Variants in CDK6 observed in about 807,000 individuals in gnomAD.
CDK6 encodes cyclin-dependent kinase 6.
CDK6 carries 6 observed loss-of-function variants against 37.1 expected under a neutral mutation model. The ratio of observed to expected loss-of-function variants is 0.16; its 90% CI spans 0.09 to 0.32. CDK6 has a LOEUF of 0.32. Ranked by LOEUF, CDK6 falls within the 10% of genes least tolerant of loss-of-function variation. The pLI is 1.00. For missense variants in CDK6, 224 were observed against 418.9 expected, an observed-to-expected ratio of 0.53 and a Z score of 4.06; for synonymous variants, 160 against 161.3, an observed-to-expected ratio of 0.99 and a Z score of 0.06.
Position 92,833,311 on chromosome 7 carries a change from C to G in CDK6, c.13G>C (p.Gly5Arg), listed in dbSNP as rs576150359. 2 of 1,593,328 alleles carry G rather than the reference C, an allele frequency of 1.3e-6. No homozygotes were observed. Among genetic ancestry groups the G allele is most frequent in the South Asian group, 2.3e-5 (2 of 88,414 alleles). Residue 5 changes from glycine to arginine, a missense_variant, in exon 2 of 8, where the codon GGC (glycine) becomes CGC (arginine). Coordinates refer to ENST00000424848, the MANE Select transcript of CDK6 (RefSeq NM_001145306.2). This position sits in a 1 kb window ranked among gnomAD's most constrained non-coding sequence, Gnocchi z 6.1. MEKD[G>R]LCRADQQYEC... ...TACTGCTGGTCAGCGCGGCACAGGCCGTCCTTCTCCATGCCGCCTGGACGC... is the reference window on the plus strand; with the variant it reads ...TACTGCTGGTCAGCGCGGCACAGGCGGTCCTTCTCCATGCCGCCTGGACGC...
intron 3 of CDK6, among the ~76,000 whole-genome samples, chr7:92,762,492 AATATT>A (rs1207450343): frequency 1.3e-5 from 2 of 152,190 alleles, no homozygotes; most frequent in African/African-American, 4.8e-5. Context: ...TCCAGACTTA[AATATT>A]AACATATGAT....
At chr7:92,752,068 T>C (rs1305592404) in intron 3 of CDK6, among the ~76,000 whole-genome samples, 1 of 152,196 alleles carries the variant, frequency 6.6e-6, no homozygotes, top group African/African-American at 2.4e-5. Flanking sequence ...ATCTAGCTCC[T>C]GGCTCTATAC....
At chr7:92,734,271 C>T (rs1192594716) in intron 3 of CDK6, among the ~76,000 whole-genome samples, 3 of 152,180 alleles carry the variant, frequency 2.0e-5, no homozygotes, top group Admixed American at 1.3e-4. Flanking sequence ...CCGCCTTCTC[C>T]TTCCTCACAT....
chr7:92,672,747 T>A (rs1478196922), intron 4 of CDK6, among the ~76,000 whole-genome samples: 1 of 152,214 alleles, frequency 6.6e-6, no homozygotes, highest in African/African-American at 2.4e-5. Flanking sequence ...CCTTTTATCC[T>A]TATTGTTTTG....
chr7:92,626,215 A>G (rs945159920), intron 5 of CDK6, among the ~76,000 whole-genome samples: 5 of 152,062 alleles, frequency 3.3e-5, no homozygotes, highest in African/African-American at 1.2e-4. Flanking sequence ...ACTAAAAAAT[A>G]CACATATAAA....
intron 5 of CDK6, among the ~76,000 whole-genome samples, chr7:92,669,547 C>T (rs952869077): frequency 6.6e-6 from 1 of 152,166 alleles, no homozygotes; most frequent in Non-Finnish European, 1.5e-5. Context: ...TTTCTGTAAT[C>T]AACTCTTGGC....
At chr7:92,814,555 CAAAAAA>C (rs201939605) in intron 2 of CDK6, among the ~76,000 whole-genome samples, 1 of 70,042 alleles carries the variant, frequency 1.4e-5, no homozygotes, top group African/African-American at 4.1e-5. Context: ...AACTGAATTG[CAAAAAA>C]AAAAAAAAAA....
At chr7:92,708,256 A>G (rs1370557491) in intron 4 of CDK6, among the ~76,000 whole-genome samples, 2 of 152,236 alleles carry the variant, frequency 1.3e-5, no homozygotes, top group Non-Finnish European at 2.9e-5. Context: ...AGATAAACCA[A>G]GACCACACAA....
chr7:92,684,476 G>A (rs1425209334), intron 4 of CDK6, among the ~76,000 whole-genome samples: 1 of 152,198 alleles, frequency 6.6e-6, no homozygotes. Flanking sequence ...CCTGGATGGA[G>A]GGTAGGGAAG....
intron 3 of CDK6, among the ~76,000 whole-genome samples, chr7:92,729,973 C>T (rs760308214): frequency 6.6e-6 from 1 of 152,158 alleles, no homozygotes; most frequent in African/African-American, 2.4e-5. Context: ...TTCCTGGCCT[C>T]GAGCCATGAA....
chr7:92,799,701 C>G (rs539525148), intron 2 of CDK6, among the ~76,000 whole-genome samples: 1 of 152,240 alleles, frequency 6.6e-6, no homozygotes. Context: ...AGTAACCACA[C>G]TGGGGCATTC....
Position 92,615,139 on chromosome 7 carries a change from CTCAGGCTGTAT to C in CDK6, c.971_981del (p.Asn324ArgfsTer7), listed in dbSNP as rs755866968. 1.2e-6 allele frequency: 2 copies of C among 1,613,510 alleles called. No homozygotes were observed. The highest frequency in any genetic ancestry group is 4.5e-5 in the East Asian group (2 of 44,874). Reference sequence around the variant, plus strand: ...ATCAGCTTAAGGCGGCTGCTGAGGCCTCAGGCTGTATTCAGCTCCGAGGTGTTCTGGCTGGG... The same window carrying C: ...ATCAGCTTAAGGCGGCTGCTGAGGCCTCAGCTCCGAGGTGTTCTGGCTGGG... On this transcript the variant is annotated frameshift_variant and stop_lost, in exon 8 of 8. Transcript: ENST00000424848. LOFTEE classifies it high-confidence loss of function.
Position 92,627,167 on chromosome 7 carries a change from C to A in CDK6, c.648-4081G>T, listed in dbSNP as rs182307072. Among the ~76,000 whole-genome samples, 9 of 152,104 alleles carry A rather than the reference C, an allele frequency of 5.9e-5. No individual in the cohort carries two copies. The East Asian group carries it at 1.2e-3, about 20-fold the overall frequency. ...GATATACTGAGACTACCTGGAGGAC[C>A]CTTGAAACCATTATGCTCAGTAAAA... is the stretch of plus-strand genomic sequence containing the variant. On this transcript the variant is annotated intron_variant, in intron 5 of 7. Transcript: ENST00000424848.
rs148903234 is a variant in CDK6 at position 92,620,494 on chromosome 7, G to C, written c.699-2287C>G. Among the ~76,000 whole-genome samples, 216 of 152,278 alleles carry C rather than the reference G, an allele frequency of 1.4e-3. 2 individuals are homozygous for C. Among genetic ancestry groups the C allele is most frequent in the African/African-American group, 4.9e-3 (202 of 41,554 alleles). The stretch of plus-strand genomic sequence containing the variant: ...TATTCCAATATTTTATTTCCATTTA[G>C]CTATGACATCATTCTTAAAAATGCT... On this transcript the variant is annotated intron_variant, in intron 6 of 7. Transcript: ENST00000424848.
chr7:92,694,779 A>C (rs1175354088), intron 4 of CDK6, among the ~76,000 whole-genome samples: 1 of 152,224 alleles, frequency 6.6e-6, no homozygotes, highest in African/African-American at 2.4e-5. Context: ...AAATATGCTC[A>C]GAGTGGCCAT....
chr7:92,830,196 G>C (rs748529706), intron 2 of CDK6, among the ~76,000 whole-genome samples: 1 of 152,206 alleles, frequency 6.6e-6, no homozygotes. Flanking sequence ...CTCACTGGCT[G>C]ATCAGGCGAG....
chr7:92,716,219 A>G (rs149047394), intron 4 of CDK6, among the ~76,000 whole-genome samples: 54 of 152,328 alleles, frequency 3.5e-4, no homozygotes, highest in Non-Finnish European at 6.9e-4. Flanking sequence ...TCATTGATTC[A>G]TTTGTAAAAG....
In CDK6 at chr7:92,611,154, C is replaced by T. The variant is rs995063166; in HGVS notation, c.*3986G>A. ...TCTCCAGAATTTCCTTTATCTATTG[C>T]CCACTGTTTTATGAATAATTTTTAA... On this transcript the variant is annotated 3_prime_UTR_variant, in exon 8 of 8. Transcript: ENST00000424848. 1 of 226,554 alleles carries T rather than the reference C, an allele frequency of 4.4e-6. No homozygotes were observed. The highest frequency in any genetic ancestry group is 8.8e-6 in the Non-Finnish European group (1 of 114,182). 14.0% of individuals were successfully genotyped at this position (226,554 alleles called of 1,614,324 possible).
intron 5 of CDK6, among the ~76,000 whole-genome samples, chr7:92,639,254 T>C (rs1384619074): frequency 6.6e-6 from 1 of 152,214 alleles, no homozygotes. Flanking sequence ...CAATGAGTTA[T>C]TTCTTGATAA....
Sources: gnomAD v4.1 joint callset for allele counts (sites outside exome capture counted in the v4.1 genomes callset) on GRCh38, gnomAD v4.1.1 for gene constraint, Gnocchi (gnomAD v3.1) non-coding constraint, MANE v1.5 for transcripts, NCBI Gene and HGNC (gene_info 2026-07-23, HGNC 2026-07-21) for gene names.